RAB9A: variants seen among roughly 807,000 people sequenced by gnomAD.
RAB9A encodes RAB9A, member RAS oncogene family.
RAB9A carries 1 observed loss-of-function variant against 10.3 expected under a neutral mutation model. The observed-to-expected ratio is 0.10, with a 90% CI of 0.03 to 0.46. The LOEUF is 0.46. Ranked by LOEUF, RAB9A falls within the 20% of genes least tolerant of loss-of-function variation. The pLI is 0.96. For missense variants in RAB9A, 92 were observed against 150.3 expected (o/e 0.61, Z 2.03); for synonymous variants, 39 against 55.2 (o/e 0.71, Z 1.30).
At chrX:13,696,592 A>G (rs1318116830) in intron 1 of RAB9A, among the ~76,000 whole-genome samples, 1 of 112,242 alleles carries the variant, frequency 8.9e-6, no homozygotes, top group African/African-American at 3.2e-5. Context: ...TCCTGAGAGA[A>G]GAACTTTTCC....
intron 1 of RAB9A, among the ~76,000 whole-genome samples, chrX:13,691,659 CAAAAAAAAAAAAAAAAAA>C (rs765886332): frequency 0.094 from 1,498 of 15,959 alleles, 51 homozygotes; most frequent in African/African-American, 0.24. Flanking sequence ...GACTCCATCT[CAAAAAAAAAAAAAAAAAA>C]AAAAAAAAAA....
chrX:13,694,682 C>T (rs1375743777), intron 1 of RAB9A, among the ~76,000 whole-genome samples: 1 of 111,893 alleles, frequency 8.9e-6, no homozygotes. Flanking sequence ...CTTTGGGGCA[C>T]CTCAGCATGC....
chrX:13,708,320 C>CAAA (rs753443181), intron 2 of RAB9A, among the ~76,000 whole-genome samples: 26,738 of 92,921 alleles, frequency 0.29, 3,181 homozygotes, highest in Non-Finnish European at 0.33. Context: ...GATCCTGTCT[C>CAAA]AAAAAAAAAA....
chrX:13,693,644 C>T (rs750708043), intron 1 of RAB9A, among the ~76,000 whole-genome samples: 1 of 112,008 alleles, frequency 8.9e-6, no homozygotes, highest in Admixed American at 9.4e-5. Flanking sequence ...TTTTCAAATC[C>T]TTTTGTTAAT....
intron 1 of RAB9A, among the ~76,000 whole-genome samples, chrX:13,701,739 G>A (rs753653011): frequency 9.9e-5 from 11 of 111,251 alleles, no homozygotes; most frequent in African/African-American, 3.6e-4. Context: ...GCATCCACAC[G>A]GCTGACTAGG....
At chrX:13,695,077 C>T (rs1318192322) in intron 1 of RAB9A, among the ~76,000 whole-genome samples, 1 of 111,963 alleles carries the variant, frequency 8.9e-6, no homozygotes, top group Non-Finnish European at 1.9e-5. Flanking sequence ...AGGGACCCCT[C>T]GAGCCTCCGG....
At position 13,692,153 on chromosome X, in the gene RAB9A, A is replaced by T. The variant is rs5935653; in HGVS notation, c.-116+2865A>T. On this transcript the variant is annotated intron_variant, in intron 1 of 2. Coordinates refer to ENST00000464506, the MANE Select transcript of RAB9A (RefSeq NM_004251.5). ...CCCCCGTCTCTACAAAAAATAAATT[A>T]AAAAAAAAATTAGCCTAGCTCAGTG... Among the ~76,000 whole-genome samples, 9 of 108,085 alleles carry T rather than the reference A, an allele frequency of 8.3e-5. No individual in the cohort carries two copies. In the East Asian group the frequency reaches 8.6e-4, roughly 10 times the overall value. 93.9% of individuals were successfully genotyped at this position (108,085 alleles called of 115,157 possible).
chrX:13,701,647 G>A, intron 1 of RAB9A, among the ~76,000 whole-genome samples: 1 of 111,036 alleles, frequency 9.0e-6, no homozygotes, highest in Non-Finnish European at 1.9e-5. Flanking sequence ...GTAGAGGCAC[G>A]CACAGGATGG....
chrX:13,697,996 T>A (rs1045333792), intron 1 of RAB9A, among the ~76,000 whole-genome samples: 2 of 110,758 alleles, frequency 1.8e-5, no homozygotes, highest in Non-Finnish European at 3.8e-5. Flanking sequence ...AAATGAAAAA[T>A]TCAGTTCTTC....
At chrX:13,698,190 CTTTTTTTTTTTTTTT>C (rs67802719) in intron 1 of RAB9A, among the ~76,000 whole-genome samples, 9 of 38,330 alleles carry the variant, frequency 2.3e-4, no homozygotes, top group Middle Eastern at 0.018. Flanking sequence ...TCTTTTTTTT[CTTTTTTTTTTTTTTT>C]TTTTTTTTGG....
intron 1 of RAB9A, among the ~76,000 whole-genome samples, chrX:13,694,768 A>G (rs1602695267): frequency 9.0e-6 from 1 of 111,608 alleles, no homozygotes; most frequent in Non-Finnish European, 1.9e-5. Context: ...TGGTGAGGAG[A>G]AAAGGCATCA....
At chrX:13,699,070 A>G (rs1336948368) in intron 1 of RAB9A, among the ~76,000 whole-genome samples, 1 of 111,452 alleles carries the variant, frequency 9.0e-6, no homozygotes, top group Non-Finnish European at 1.9e-5. Context: ...TCAAGTTTTG[A>G]GAAGGCAGTT....
At chrX:13,694,564 C>T (rs2046139484) in intron 1 of RAB9A, among the ~76,000 whole-genome samples, 1 of 111,923 alleles carries the variant, frequency 8.9e-6, no homozygotes, top group Non-Finnish European at 1.9e-5. Flanking sequence ...GAATGCAGTG[C>T]AATCTAATTA....
intron 2 of RAB9A, among the ~76,000 whole-genome samples, chrX:13,706,225 G>A (rs914708227): frequency 8.9e-6 from 1 of 112,115 alleles, no homozygotes; most frequent in African/African-American, 3.2e-5. Flanking sequence ...AAAGTAAGGG[G>A]CTTGGGACTG....
rs201747318 is a variant in RAB9A at position 13,709,087 on chromosome X, C to T, written c.341C>T (p.Pro114Leu). 208 of 1,209,663 alleles carry T rather than the reference C, an allele frequency of 1.7e-4. No individual in the cohort carries two copies. The highest frequency in any genetic ancestry group is 2.3e-4 in the Non-Finnish European group (203 of 895,133). Residue 114 changes from proline to leucine, a missense_variant, in exon 3 of 3, where the codon CCT becomes CTT. Physicochemically the swap from Pro to Leu is moderately conservative, Grantham distance 98. Coordinates refer to ENST00000464506, the MANE Select transcript of RAB9A (RefSeq NM_004251.5). ...ATATATTATGCAGATGTGAAAGAGC[C>T]TGAGAGCTTTCCTTTTGTGATTCTG... ...EFIYYADVKE[P>L]ESFPFVILGN...
intron 1 of RAB9A, among the ~76,000 whole-genome samples, chrX:13,689,966 CTTT>C (rs5901512): frequency 2.1e-5 from 2 of 95,458 alleles, no homozygotes; most frequent in Admixed American, 1.1e-4. Context: ...GGACGTATTG[CTTT>C]TTTTTTTTTT....
intron 1 of RAB9A, among the ~76,000 whole-genome samples, chrX:13,693,222 G>A (rs757068168): frequency 1.8e-5 from 2 of 112,525 alleles, no homozygotes; most frequent in Non-Finnish European, 1.9e-5. Flanking sequence ...AAGTGTGTGT[G>A]TGTTTGGGCA....
At chrX:13,694,086 G>C (rs929104193) in intron 1 of RAB9A, among the ~76,000 whole-genome samples, 1 of 111,787 alleles carries the variant, frequency 8.9e-6, no homozygotes, top group Non-Finnish European at 1.9e-5. Flanking sequence ...CTGTGAATTG[G>C]ATTAGATTTT....
At chrX:13,691,839 T>C (rs1478167567) in intron 1 of RAB9A, among the ~76,000 whole-genome samples, 1 of 110,276 alleles carries the variant, frequency 9.1e-6, no homozygotes, top group Non-Finnish European at 1.9e-5. Flanking sequence ...GGGGCACTGA[T>C]ACAAAGGTGC....
Sources: allele counts gnomAD v4.1 joint callset (sites outside exome capture counted in the v4.1 genomes callset), GRCh38; gene constraint gnomAD v4.1.1; transcripts MANE v1.5; gene names NCBI Gene and HGNC (gene_info 2026-07-23, HGNC 2026-07-21).